KEL: variants seen among roughly 807,000 people sequenced by gnomAD.
KEL encodes kell blood group glycoprotein.
Under a neutral mutation model 99.5 loss-of-function variants are expected in KEL, and 96 were observed. The observed-to-expected ratio is 0.97, with a 90% CI of 0.82 to 1.14. The LOEUF is 1.14. Ranked by LOEUF, KEL falls within the 50% of genes most tolerant of loss-of-function variation. KEL has a pLI of 0.00. For missense variants in KEL, 926 were observed against 924.2 expected, an observed-to-expected ratio of 1.00 and a Z score of -0.03; for synonymous variants, 355 against 354.8, an observed-to-expected ratio of 1.00 and a Z score of -0.01.
At chr7:142,946,143 G>C (rs992503850) in intron 11 of KEL, 64 bp downstream of exon 11, 1 of 1,167,288 alleles carries the variant, frequency 8.6e-7, no homozygotes, top group Non-Finnish European at 1.3e-6. Flanking sequence ...GTTAATAGAA[G>C]AGGGAAGGCT....
In KEL at chr7:142,946,334, G is replaced by A. The variant is rs1796528902; in HGVS notation, c.1204-17C>T. ...GCGGGCAGGCTATGGAGACAAAGCT[G>A]GAATGAGTGGCTCCTGTTCAGGACT... On this transcript the variant is annotated splice_polypyrimidine_tract_variant and intron_variant, in intron 10 of 18. Transcript: ENST00000355265. The A allele has an allele frequency of 6.3e-7, 1 of 1,579,860 alleles. No homozygotes were observed. Among genetic ancestry groups the A allele is most frequent in the South Asian group, 1.1e-5 (1 of 89,308 alleles).
chr7:142,959,630 G>C (rs1322704204), intron 4 of KEL, among the ~76,000 whole-genome samples: 1 of 152,050 alleles, frequency 6.6e-6, no homozygotes, highest in Non-Finnish European at 1.5e-5. Context: ...AGAAACAGGG[G>C]AAGACTCTTC....
intron 10 of KEL, among the ~76,000 whole-genome samples, chr7:142,948,783 G>A (rs1419742133): frequency 6.6e-6 from 1 of 152,138 alleles, no homozygotes; most frequent in Non-Finnish European, 1.5e-5. Context: ...TGCAACATCA[G>A]AGCTACAGGC....
chr7:142,942,833 T>C lies in KEL; in HGVS notation c.1941+42A>G, dbSNP rs1352386011. 3 of 1,610,472 alleles carry C rather than the reference T, an allele frequency of 1.9e-6. No individual in the cohort carries two copies. In the South Asian group the frequency reaches 3.3e-5, roughly 18 times the overall value. On this transcript the variant is annotated intron_variant, in intron 17 of 18. Transcript: ENST00000355265. ...GAAAACTTGAGGACATGTTTTCTAG[T>C]CTGCCAGTACACATAAACTGTGGCC...
Position 142,943,344 on chromosome 7 carries a change from C to G in KEL, c.1704-1G>C. On this transcript the variant is annotated splice_acceptor_variant, in intron 15 of 18. Transcript: ENST00000355265. LOFTEE classifies it high-confidence loss of function. Reference sequence around the variant, plus strand: ...GCCAGCAGCGCCAAAGTTCACGGCTCTAGGGAGACAAGGGCTTATTTGACC... The same window carrying G: ...GCCAGCAGCGCCAAAGTTCACGGCTGTAGGGAGACAAGGGCTTATTTGACC... The G allele has an allele frequency of 6.2e-7, 1 of 1,614,130 alleles. No individual in the cohort carries two copies. Among genetic ancestry groups the G allele is most frequent in the Non-Finnish European group, 8.5e-7 (1 of 1,180,004 alleles).
intron 14 of KEL, 47 bp downstream of exon 14, chr7:142,943,736 A>C (rs1296951807): frequency 6.4e-7 from 1 of 1,560,506 alleles, no homozygotes; most frequent in African/African-American, 1.4e-5. Context: ...TGAATCATGG[A>C]TGGGTCTCTC....
chr7:142,959,306 A>G (rs530120330), intron 4 of KEL, among the ~76,000 whole-genome samples: 1 of 152,282 alleles, frequency 6.6e-6, no homozygotes, highest in Non-Finnish European at 1.5e-5. Context: ...GGAGGAATAG[A>G]GATGAGGAAA....
At chr7:142,944,163 G>A (rs555008993) in intron 13 of KEL, among the ~76,000 whole-genome samples, 160 bp downstream of exon 13, 10 of 152,166 alleles carry the variant, frequency 6.6e-5, no homozygotes, top group Non-Finnish European at 7.3e-5. Context: ...CCAGCAAGAC[G>A]TACAGTGTGG....
intron 6 of KEL, among the ~76,000 whole-genome samples, chr7:142,955,048 CT>C (rs1243981517): frequency 6.6e-6 from 1 of 152,206 alleles, no homozygotes; most frequent in African/African-American, 2.4e-5. Context: ...CAAGCTGTTT[CT>C]GGGTGTCACT....
At position 142,944,644 on chromosome 7, in the gene KEL, T is replaced by C; in HGVS notation, c.1412A>G (p.Lys471Arg). ...NEETQNMAQD[K>R]VAQLQVEMGA... Reference sequence around the variant, plus strand: ...ACCAGCCAGGACGCCTGGCCTGACCTTGTCCTGGGCCATGTTCTGGGTCTC... The same window carrying C: ...ACCAGCCAGGACGCCTGGCCTGACCCTGTCCTGGGCCATGTTCTGGGTCTC... Residue 471 changes from lysine to arginine, a missense_variant and splice_region_variant, in exon 12 of 19, where the codon AAG becomes AGG. By Grantham distance (26) the Lys-to-Arg change is conservative (BLOSUM62 2). Transcript: ENST00000355265. The C allele has an allele frequency of 6.2e-7, 1 of 1,612,578 alleles. No homozygotes were observed. Among genetic ancestry groups the C allele is most frequent in the Non-Finnish European group, 8.5e-7 (1 of 1,178,574 alleles).
At position 142,954,207 on chromosome 7, in the gene KEL, T is replaced by A. The variant is rs539031722; in HGVS notation, c.901A>T (p.Met301Leu). ...ACCTTGAGCTGGTCGATAGTGACCA[T>A]CTGGAAGAGCTTGCCCTGTGCCCGC... ...QRRAQGKLFQ[M>L]VTIDQLKEMA... Residue 301 changes from methionine to leucine, a missense_variant, in exon 8 of 19, where the codon ATG becomes TTG. By Grantham distance (15) the Met-to-Leu change is conservative. Coordinates refer to ENST00000355265, the MANE Select transcript of KEL (RefSeq NM_000420.3). 6.2e-7 allele frequency: 1 copy of A among 1,611,720 alleles called. No homozygotes were observed. The highest frequency in any genetic ancestry group is 1.3e-5 in the African/African-American group (1 of 74,896).
At chr7:142,952,339 C>T (rs1796706629) in intron 10 of KEL, among the ~76,000 whole-genome samples, 170 bp downstream of exon 10, 1 of 152,142 alleles carries the variant, frequency 6.6e-6, no homozygotes, top group Admixed American at 6.5e-5. Flanking sequence ...TCTTGGTTTT[C>T]AAGTTAAACT....
intron 17 of KEL, 137 bp from the exon 18 acceptor site, chr7:142,942,666 G>C: frequency 1.1e-6 from 1 of 872,186 alleles, no homozygotes. Flanking sequence ...CCAGAAGAAA[G>C]AGTACTTCCC....
At position 142,943,793 on chromosome 7, in the gene KEL, G is replaced by A; in HGVS notation, c.1582C>T (p.Pro528Ser). ...CCCCTGCTGTCATACCTGTGTTGGGGGTGAGGCTGCAAGAAGCTCTGGACA... is the reference window on the plus strand; with the variant it reads ...CCCCTGCTGTCATACCTGTGTTGGGAGTGAGGCTGCAAGAAGCTCTGGACA... ...RIVQSFLQPH[P>S]QHRWKVSPWD... is the part of the protein sequence containing the mutation. The change falls in exon 14 of 19, where the codon CCC (proline) becomes TCC (serine). Residue 528 changes from proline to serine, a missense_variant. Transcript: ENST00000355265. 6.2e-7 allele frequency: 1 copy of A among 1,613,968 alleles called. No individual in the cohort carries two copies. The highest frequency in any genetic ancestry group is 1.7e-5 in the Admixed American group (1 of 60,020).
In KEL at chr7:142,946,240, A is replaced by G; in HGVS notation, c.1281T>C (p.Val427=). Residue 427 remains valine, a synonymous_variant, in exon 11 of 19, where the codon GTT becomes GTC. Coordinates refer to ENST00000355265, the MANE Select transcript of KEL (RefSeq NM_000420.3). ...FFEPTLAALF[V]REAFGPSTRS... is the part of the protein sequence containing the mutation. ...GGGTGCTCGGGCCAAAGGCCTCACGAACAAACAAAGCCGCCAGCGTGGGCT... is the reference window on the plus strand; with the variant it reads ...GGGTGCTCGGGCCAAAGGCCTCACGGACAAACAAAGCCGCCAGCGTGGGCT... 6.2e-7 allele frequency: 1 copy of G among 1,614,094 alleles called. No individual in the cohort carries two copies. The highest frequency in any genetic ancestry group is 8.5e-7 in the Non-Finnish European group (1 of 1,179,988).
intron 3 of KEL, 86 bp from the exon 4 acceptor site, chr7:142,961,190 T>A: frequency 2.0e-6 from 3 of 1,529,238 alleles, no homozygotes; most frequent in African/African-American, 1.4e-5. Flanking sequence ...ATCAGGTGAG[T>A]AACTAAGTGG....
intron 10 of KEL, among the ~76,000 whole-genome samples, chr7:142,949,320 T>C (rs1410308946): frequency 6.6e-6 from 1 of 152,234 alleles, no homozygotes; most frequent in Non-Finnish European, 1.5e-5. Context: ...TGTTGAATGA[T>C]AGTGCAATTT....
intron 14 of KEL, 70 bp downstream of exon 14, chr7:142,943,713 G>T: frequency 1.3e-6 from 2 of 1,515,676 alleles, no homozygotes; most frequent in Non-Finnish European, 1.8e-6. Context: ...CTGAGCCCTG[G>T]CTTCCTTTCC....
intron 8 of KEL, 78 bp downstream of exon 8, chr7:142,954,106 G>T: frequency 6.8e-7 from 1 of 1,474,524 alleles, no homozygotes; most frequent in Non-Finnish European, 9.4e-7. Context: ...AAGGGCACTA[G>T]GAGGAAGAAG....
Sources: gnomAD v4.1 joint callset for allele counts (sites outside exome capture counted in the v4.1 genomes callset) on GRCh38, gnomAD v4.1.1 for gene constraint, MANE v1.5 for transcripts, NCBI Gene and HGNC (gene_info 2026-07-23, HGNC 2026-07-21) for gene names.